Variants in GBE1 observed in about 807,000 individuals in gnomAD.
GBE1 encodes the protein 1,4-alpha-glucan-branching enzyme.
GBE1 carries 70 observed loss-of-function variants against 88.8 expected under a neutral mutation model. That is an observed-to-expected ratio of 0.79 (90% CI 0.65 to 0.96). GBE1 has a LOEUF of 0.96. Among genes scored for constraint, GBE1 ranks in the 40% least tolerant of loss-of-function variants. The pLI, the probability that GBE1 is intolerant of heterozygous loss-of-function variation, is 0.00. For synonymous variants in GBE1, 284 were observed against 300.1 expected (o/e 0.95, Z 0.56); for missense variants, 872 against 871.0 (o/e 1.00, Z -0.01).
chr3:81,692,005 C>G (rs1705528276), intron 2 of GBE1, among the ~76,000 whole-genome samples: 1 of 152,068 alleles, frequency 6.6e-6, no homozygotes, highest in African/African-American at 2.4e-5. Context: ...AACCTTATTA[C>G]CCATGCCTTC....
intron 1 of GBE1, among the ~76,000 whole-genome samples, chr3:81,718,333 T>C (rs937191278): frequency 2.0e-5 from 3 of 152,128 alleles, no homozygotes; most frequent in Admixed American, 2.0e-4. Context: ...ATAATAATAA[T>C]TTATAAATAT....
intron 12 of GBE1, among the ~76,000 whole-genome samples, chr3:81,561,245 T>C (rs1010079168): frequency 6.6e-6 from 1 of 152,050 alleles, no homozygotes; most frequent in African/African-American, 2.4e-5. Context: ...TGAAATATAA[T>C]GCAGAAGTTG....
intron 1 of GBE1, among the ~76,000 whole-genome samples, chr3:81,716,655 C>G (rs73853473): frequency 6.6e-6 from 1 of 152,072 alleles, no homozygotes; most frequent in South Asian, 2.1e-4. Flanking sequence ...AATACTATCA[C>G]GTTTAATGAC....
intron 2 of GBE1, among the ~76,000 whole-genome samples, chr3:81,672,034 C>G (rs975118358): frequency 6.6e-6 from 1 of 151,914 alleles, no homozygotes; most frequent in African/African-American, 2.4e-5. Flanking sequence ...GGCCAATAAA[C>G]ATGTAATGAT....
At chr3:81,509,926 A>G (rs1169939149) in intron 14 of GBE1, among the ~76,000 whole-genome samples, 1 of 152,070 alleles carries the variant, frequency 6.6e-6, no homozygotes, top group Non-Finnish European at 1.5e-5. Flanking sequence ...TGGATAATTT[A>G]TAATAAATGC....
chr3:81,675,349 T>C (rs148780098), intron 2 of GBE1, among the ~76,000 whole-genome samples: 128 of 152,122 alleles, frequency 8.4e-4, no homozygotes, highest in African/African-American at 2.7e-3. Flanking sequence ...AGATTTAGGA[T>C]TGACTGGGGT....
intron 3 of GBE1, chr3:81,654,897 A>G (rs1037771623): frequency 4.6e-5 from 7 of 152,154 alleles, no homozygotes; most frequent in African/African-American, 7.2e-5. Context: ...ATATTTTAAC[A>G]ACATGTATAT....
At chr3:81,611,259 C>G (rs1364707798) in intron 7 of GBE1, among the ~76,000 whole-genome samples, 1 of 152,088 alleles carries the variant, frequency 6.6e-6, no homozygotes, top group Non-Finnish European at 1.5e-5. Context: ...TAAGAAATTT[C>G]TGACTAAAAT....
intron 1 of GBE1, among the ~76,000 whole-genome samples, chr3:81,747,805 GAAC>G (rs1706438325): frequency 6.6e-6 from 1 of 151,866 alleles, no homozygotes; most frequent in Non-Finnish European, 1.5e-5. Flanking sequence ...GCCCACCAGA[GAAC>G]AACCCCCTTT....
At chr3:81,594,352 A>G (rs767563976) in intron 7 of GBE1, among the ~76,000 whole-genome samples, 24 of 152,134 alleles carry the variant, frequency 1.6e-4, no homozygotes, top group Non-Finnish European at 3.1e-4. Flanking sequence ...AAAAGTGATT[A>G]CTACATAGTA....
At chr3:81,508,772 G>A (rs184952228) in intron 14 of GBE1, among the ~76,000 whole-genome samples, 225 of 152,276 alleles carry the variant, frequency 1.5e-3, no homozygotes, top group African/African-American at 5.2e-3. Flanking sequence ...ATAGGAGACA[G>A]CATTCTAAAA....
intron 10 of GBE1, 54 bp downstream of exon 10, chr3:81,586,038 A>G (rs1263612588): frequency 1.0e-6 from 1 of 953,170 alleles, no homozygotes; most frequent in African/African-American, 1.7e-5. Flanking sequence ...AATTAAAGAT[A>G]AATGAAGCAA....
rs188470749 is a variant in GBE1 at position 81,498,989 on chromosome 3, C to A, written c.2052+121G>T. 1.1e-4 allele frequency: 75 copies of A among 666,430 alleles called. No individual in the cohort carries two copies. The African/African-American group carries it at 1.3e-3, about 11-fold the overall frequency. 41.3% of individuals were successfully genotyped at this position (666,430 alleles called of 1,614,324 possible). On this transcript the variant is annotated intron_variant, in intron 15 of 15. Transcript: ENST00000429644. ...CAAGCGTAGTCCCCTCTCCCTAACC[C>A]CTTTCCTTCATGCTTTTTTTCCATG...
intron 7 of GBE1, among the ~76,000 whole-genome samples, chr3:81,607,030 A>G (rs541448396): frequency 5.9e-5 from 9 of 152,202 alleles, no homozygotes; most frequent in Non-Finnish European, 1.2e-4. Context: ...TGAATGACAC[A>G]TATTGTTCTG....
At chr3:81,616,252 G>C (rs955949204) in intron 7 of GBE1, among the ~76,000 whole-genome samples, 3 of 151,942 alleles carry the variant, frequency 2.0e-5, no homozygotes, top group African/African-American at 7.3e-5. Flanking sequence ...TCCTTGTATT[G>C]ACAGTATTCT....
chr3:81,711,970 C>A (rs1705874743), intron 1 of GBE1, among the ~76,000 whole-genome samples: 1 of 152,004 alleles, frequency 6.6e-6, no homozygotes. Flanking sequence ...AAAAAAACAA[C>A]CCCATCAAGA....
intron 3 of GBE1, among the ~76,000 whole-genome samples, chr3:81,669,944 A>C (rs994803445): frequency 6.6e-6 from 1 of 152,166 alleles, no homozygotes; most frequent in African/African-American, 2.4e-5. Context: ...TTTTGATTTA[A>C]TATATTTAAG....
intron 14 of GBE1, among the ~76,000 whole-genome samples, chr3:81,523,876 T>C (rs1389471997): frequency 7.2e-5 from 11 of 151,754 alleles, no homozygotes; most frequent in African/African-American, 1.4e-4. Flanking sequence ...ATATGTACTA[T>C]ATTTTCTTTG....
At chr3:81,611,884 C>G (rs1359907130) in intron 7 of GBE1, among the ~76,000 whole-genome samples, 1 of 152,016 alleles carries the variant, frequency 6.6e-6, no homozygotes, top group Non-Finnish European at 1.5e-5. Context: ...AGGGAATATC[C>G]AAACACAAGC....
Sources: allele counts gnomAD v4.1 joint callset (sites outside exome capture counted in the v4.1 genomes callset), GRCh38; gene constraint gnomAD v4.1.1; transcripts MANE v1.5; gene names NCBI Gene and HGNC (gene_info 2026-07-23, HGNC 2026-07-21).